GSE1: variants seen among roughly 807,000 people sequenced by gnomAD.
GSE1 encodes the protein genetic suppressor element 1.
In GSE1, 32 loss-of-function variants were observed where a neutral mutation model predicts 112.6. The ratio of observed to expected loss-of-function variants is 0.28; its 90% CI spans 0.21 to 0.38. The LOEUF (loss-of-function observed/expected upper bound fraction) is 0.38. GSE1 is among the 10% of genes least tolerant of loss of function. GSE1 has a pLI of 1.00. For synonymous variants in GSE1, 1,115 were observed against 735.6 expected, an observed-to-expected ratio of 1.52 and a Z score of -8.35; for missense variants, 2,348 against 1,699.2, an observed-to-expected ratio of 1.38 and a Z score of -6.71.
intron 2 of GSE1, among the ~76,000 whole-genome samples, chr16:85,475,240 A>G (rs2050415730): frequency 6.6e-6 from 1 of 152,146 alleles, no homozygotes; most frequent in Non-Finnish European, 1.5e-5. Context: ...CCTGTAAACC[A>G]GGGGCAGCAG....
chr16:85,235,486 G>C (rs1017557300), intron 1 of GSE1, among the ~76,000 whole-genome samples: 1 of 143,426 alleles, frequency 7.0e-6, no homozygotes, highest in African/African-American at 2.6e-5. Flanking sequence ...GGTGTGTTCT[G>C]GCCTCCCATC....
At chr16:85,298,863 G>C (rs565378655) in intron 1 of GSE1, among the ~76,000 whole-genome samples, 2 of 152,248 alleles carry the variant, frequency 1.3e-5, no homozygotes, top group Non-Finnish European at 2.9e-5. Flanking sequence ...GAGTGGGTGT[G>C]GGGGAGCATA....
chr16:85,468,657 A>T (rs966111119), intron 2 of GSE1, among the ~76,000 whole-genome samples: 14 of 151,942 alleles, frequency 9.2e-5, no homozygotes, highest in Non-Finnish European at 1.2e-4. Context: ...CCACCCAGAG[A>T]TGTCATCTTG....
chr16:85,606,411 G>T (rs374877217), upstream of GSE1, among the ~76,000 whole-genome samples: 2 of 152,234 alleles, frequency 1.3e-5, no homozygotes, highest in East Asian at 1.9e-4. Context: ...CAGCCTGCAG[G>T]GCCCTGAACG....
At chr16:85,518,237 AGT>A (rs1039352873) in intron 2 of GSE1, among the ~76,000 whole-genome samples, 2 of 152,184 alleles carry the variant, frequency 1.3e-5, no homozygotes, top group Non-Finnish European at 2.9e-5. Context: ...CCCCGGGGTC[AGT>A]TCTCTCTGGG....
At chr16:85,285,308 T>C (rs2044986690) in intron 1 of GSE1, 1 of 152,076 alleles carries the variant, frequency 6.6e-6, no homozygotes, top group African/African-American at 2.4e-5. Flanking sequence ...TCTGTATGGG[T>C]GGGGATTTGG....
At chr16:85,343,302 G>C (rs942977976) in intron 1 of GSE1, among the ~76,000 whole-genome samples, 1 of 152,160 alleles carries the variant, frequency 6.6e-6, no homozygotes, top group African/African-American at 2.4e-5. Context: ...TGAGGTGACC[G>C]AGTTCTAGAA....
Position 85,654,786 on chromosome 16 carries a change from G to A in GSE1, c.600-8G>A, listed in dbSNP as rs770691098. ...TGTCCCCACCTTGCCCACTATCCCCGCCTGCAGCCTCCAGCGGCCCGTGCA... is the reference window on the plus strand; with the variant it reads ...TGTCCCCACCTTGCCCACTATCCCCACCTGCAGCCTCCAGCGGCCCGTGCA... On this transcript the variant is annotated splice_polypyrimidine_tract_variant and splice_region_variant and intron_variant, in intron 4 of 15. Coordinates refer to ENST00000253458, the MANE Select transcript of GSE1 (RefSeq NM_014615.5). 27 of 1,601,302 alleles carry A rather than the reference G, an allele frequency of 1.7e-5. No individual in the cohort carries two copies. Among genetic ancestry groups the A allele is most frequent in the Admixed American group, 6.7e-5 (4 of 59,576 alleles).
In GSE1 at chr16:85,404,156, A is replaced by T. The variant is rs1438847762; in HGVS notation, c.2464+46513A>T. Among the ~76,000 whole-genome samples the T allele has an allele frequency of 2.6e-3, 203 of 77,918 alleles. 12 individuals are homozygous for T. The highest frequency in any genetic ancestry group is 0.011 in the African/African-American group (182 of 17,142). The allele number at this position is 77,918 out of a possible 152,430, so 51.1% of individuals were successfully genotyped here. A position where few individuals can be genotyped will look rare whatever the true frequency, so the allele number is the denominator to read the frequency against. Reference sequence around the variant, plus strand: ...CCCCCTGGATAATCCACACCGTTACACTCAGGGCCCCCCGGATAATCCTCA... The same window carrying T: ...CCCCCTGGATAATCCACACCGTTACTCTCAGGGCCCCCCGGATAATCCTCA... On this transcript the variant is annotated intron_variant, in intron 2 of 2. Coordinates refer to the GSE1 transcript ENST00000637419.
intron 2 of GSE1, among the ~76,000 whole-genome samples, chr16:85,524,379 C>G (rs1035321329): frequency 6.6e-6 from 1 of 152,112 alleles, no homozygotes; most frequent in Admixed American, 6.5e-5. Flanking sequence ...GTCTACTTAT[C>G]TAGTAATGGG....
At chr16:85,371,865 T>C (rs879350178) in intron 2 of GSE1, among the ~76,000 whole-genome samples, 1 of 151,990 alleles carries the variant, frequency 6.6e-6, no homozygotes. Flanking sequence ...TGAATGACCC[T>C]CTCCCAAGCT....
intron 1 of GSE1, among the ~76,000 whole-genome samples, chr16:85,626,525 T>C (rs911721210): frequency 2.0e-5 from 3 of 152,140 alleles, no homozygotes; most frequent in African/African-American, 7.2e-5. Flanking sequence ...GAGGGGTGAT[T>C]AGAGAATCCA....
At chr16:85,573,168 C>T (rs2046080211) in intron 1 of GSE1, among the ~76,000 whole-genome samples, 1 of 152,150 alleles carries the variant, frequency 6.6e-6, no homozygotes, top group East Asian at 1.9e-4. Context: ...CCGGCCCATC[C>T]CTTTCTTTTT....
At chr16:85,507,524 C>A (rs2051579384) in intron 2 of GSE1, among the ~76,000 whole-genome samples, 1 of 152,260 alleles carries the variant, frequency 6.6e-6, no homozygotes, top group Non-Finnish European at 1.5e-5. Context: ...CTGGCTTGAA[C>A]AATAGAAATC....
chr16:85,451,419 G>C (rs1348430542), intron 2 of GSE1, among the ~76,000 whole-genome samples: 1 of 151,762 alleles, frequency 6.6e-6, no homozygotes, highest in Non-Finnish European at 1.5e-5. Flanking sequence ...CTGGTGGTTG[G>C]TGCGTGCGCT....
rs2101257 is a variant in GSE1, at chr16:85,480,016, G to A, written c.2464+122373G>A. The stretch of plus-strand genomic sequence containing the variant: ...AGGCCACACAGCGGCCATGATGCAC[G>A]ACGGGTGATGTTTCTCTGCCATTGC... On this transcript the variant is annotated intron_variant, in intron 2 of 2. Coordinates refer to the GSE1 transcript ENST00000637419. Among the ~76,000 whole-genome samples, 950 of 152,308 alleles carry A rather than the reference G, an allele frequency of 6.2e-3. 12 individuals are homozygous for A. The highest frequency in any genetic ancestry group is 0.022 in the African/African-American group (899 of 41,560).
intron 2 of GSE1, among the ~76,000 whole-genome samples, chr16:85,453,816 C>T (rs909771542): frequency 1.3e-5 from 2 of 152,328 alleles, no homozygotes; most frequent in Admixed American, 1.3e-4. Flanking sequence ...GGTGTCTGAC[C>T]TCGGCCGGCC....
upstream of GSE1, among the ~76,000 whole-genome samples, chr16:85,554,227 A>G (rs369832344): frequency 1.3e-5 from 2 of 152,312 alleles, no homozygotes; most frequent in East Asian, 3.9e-4. Flanking sequence ...CAATGAGCGC[A>G]CAGGATGTGG....
At chr16:85,447,288 C>G (rs565195687) in intron 2 of GSE1, among the ~76,000 whole-genome samples, 30 of 152,338 alleles carry the variant, frequency 2.0e-4, no homozygotes, top group Admixed American at 1.9e-3. Context: ...TTTGGCTACT[C>G]TGAGGCCCCA....
Sources: allele counts gnomAD v4.1 joint callset (sites outside exome capture counted in the v4.1 genomes callset), GRCh38; gene constraint gnomAD v4.1.1; transcripts MANE v1.5; gene names NCBI Gene and HGNC (gene_info 2026-07-23, HGNC 2026-07-21).